Variants in GIGYF2 observed in about 807,000 individuals in gnomAD.
GIGYF2 encodes GRB10 interacting GYF protein 2, also known as GRB10-interacting GYF protein 2.
GIGYF2 carries 25 observed loss-of-function variants against 208.1 expected under a neutral mutation model. That is an observed-to-expected ratio of 0.12 (90% CI 0.09 to 0.17). GIGYF2 has a LOEUF of 0.17. Among genes scored for constraint, GIGYF2 ranks in the 10% least tolerant of loss-of-function variants. The pLI is 1.00. For synonymous variants in GIGYF2, 534 were observed against 543.8 expected (o/e 0.98, Z 0.25); for missense variants, 1,302 against 1,579.4 (o/e 0.82, Z 2.98).
intron 28 of GIGYF2, among the ~76,000 whole-genome samples, chr2:232,855,503 T>C (rs1473496540): frequency 2.0e-5 from 3 of 152,192 alleles, no homozygotes; most frequent in African/African-American, 7.2e-5. Flanking sequence ...TGCAGATATA[T>C]TTACAGTAGA....
chr2:232,794,913 A>G lies in GIGYF2; in HGVS notation c.1448A>G (p.Asp483Gly). Residue 483 changes from aspartate to glycine, a missense_variant, in exon 13 of 29, where the codon GAT (aspartate) becomes GGT (glycine). Coordinates refer to ENST00000373563, the MANE Select transcript of GIGYF2 (RefSeq NM_001103146.3). ...ATGGGCAGTGTTTCCACAGAACCTG[A>G]TGATGAAGAAGGTCTCAAACATTTG... is the stretch of plus-strand genomic sequence containing the variant. ...PGMGSVSTEP[D>G]DEEGLKHLEQ... 6.2e-7 allele frequency: 1 copy of G among 1,613,808 alleles called. No homozygotes were observed. Among genetic ancestry groups the G allele is most frequent in the South Asian group, 1.1e-5 (1 of 91,080 alleles).
chr2:232,790,679 G>T lies in GIGYF2; in HGVS notation c.713-19G>T. The T allele has an allele frequency of 6.3e-7, 1 of 1,590,466 alleles. No individual in the cohort carries two copies. The highest frequency in any genetic ancestry group is 8.6e-7 in the Non-Finnish European group (1 of 1,158,500). ...GTCATAAAACTTTTCTAAGGTTTGT[G>T]TCCTCCTTCTCATCTCAGATGGCCC... On this transcript the variant is annotated intron_variant, in intron 9 of 28. Transcript: ENST00000373563.
intron 28 of GIGYF2, among the ~76,000 whole-genome samples, chr2:232,851,706 C>G (rs993244290): frequency 2.1e-4 from 32 of 152,186 alleles, no homozygotes; most frequent in Non-Finnish European, 2.9e-5. Flanking sequence ...AGGTGTGAAC[C>G]GCCACGCCCG....
chr2:232,757,980 A>T (rs1208084688), intron 6 of GIGYF2, among the ~76,000 whole-genome samples: 1 of 152,214 alleles, frequency 6.6e-6, no homozygotes, highest in Non-Finnish European at 1.5e-5. Context: ...CTTTATTTAC[A>T]TATTAATGTT....
intron 21 of GIGYF2, among the ~76,000 whole-genome samples, chr2:232,826,117 G>T (rs887039174): frequency 1.3e-5 from 2 of 152,130 alleles, no homozygotes; most frequent in Non-Finnish European, 2.9e-5. Flanking sequence ...ATGGACATTT[G>T]GGTTGGTTCC....
intron 15 of GIGYF2, among the ~76,000 whole-genome samples, chr2:232,808,877 CAGTTT>C (rs1267731829): frequency 2.0e-5 from 3 of 151,946 alleles, no homozygotes; most frequent in Non-Finnish European, 4.4e-5. Context: ...GCAACAGAAA[CAGTTT>C]ATTTTGGGGG....
chr2:232,732,699 G>C (rs1446240179), intron 2 of GIGYF2, among the ~76,000 whole-genome samples: 1 of 150,402 alleles, frequency 6.6e-6, no homozygotes, highest in Non-Finnish European at 1.5e-5. Flanking sequence ...GGAGTGCAGT[G>C]GTGCAATCAC....
intron 28 of GIGYF2, among the ~76,000 whole-genome samples, chr2:232,854,984 A>G (rs1690495508): frequency 6.6e-6 from 1 of 151,748 alleles, no homozygotes; most frequent in Admixed American, 6.6e-5. Flanking sequence ...ATTGTTCATC[A>G]TTTTTATCAA....
chr2:232,749,153 C>G, intron 5 of GIGYF2, 71 bp downstream of exon 5: 1 of 812,888 alleles, frequency 1.2e-6, no homozygotes, highest in Middle Eastern at 2.2e-4. Flanking sequence ...TAGGAAGTTA[C>G]TATTTATGCT....
At chr2:232,827,739 C>A (rs1406296396) in intron 21 of GIGYF2, among the ~76,000 whole-genome samples, 2 of 152,070 alleles carry the variant, frequency 1.3e-5, no homozygotes, top group African/African-American at 4.8e-5. Context: ...GAATTTGCAT[C>A]TTTTTCTAGT....
At chr2:232,736,665 T>G (rs1697747038) in intron 3 of GIGYF2, 1 of 152,218 alleles carries the variant, frequency 6.6e-6, no homozygotes, top group African/African-American at 2.4e-5. Context: ...TATAGTTACA[T>G]CTTTATTTCT....
chr2:232,791,458 T>C lies in GIGYF2; in HGVS notation c.1282+12T>C, dbSNP rs750621563. On this transcript the variant is annotated intron_variant, in intron 12 of 28. Transcript: ENST00000373563. ...CAGCAGAGGGGATGGTATGTATTTG[T>C]GGGAATAGACAAGCTAAAATAGGAT... 3 of 1,609,756 alleles carry C rather than the reference T, an allele frequency of 1.9e-6. No individual in the cohort carries two copies. The South Asian group carries it at 3.3e-5, about 18-fold the overall frequency.
chr2:232,737,552 TA>T (rs1697784801), intron 3 of GIGYF2, among the ~76,000 whole-genome samples: 2 of 152,144 alleles, frequency 1.3e-5, no homozygotes, highest in Non-Finnish European at 2.9e-5. Flanking sequence ...GGCCCTTAAG[TA>T]ACCCAAGTAA....
rs555307078 is a variant in GIGYF2 at position 232,738,360 on chromosome 2, A to G, written c.41+3122A>G. Among the ~76,000 whole-genome samples the G allele has an allele frequency of 7.2e-5, 11 of 152,332 alleles. No homozygotes were observed. The South Asian group carries it at 2.1e-3, about 29-fold the overall frequency. On this transcript the variant is annotated intron_variant, in intron 3 of 28. Transcript: ENST00000373563. The stretch of plus-strand genomic sequence containing the variant: ...TGCCAAGTATATCCTGTCTACATAT[A>G]AAGCAATAGTGTCTTTCTTTAAGCC...
At chr2:232,844,327 A>G in intron 24 of GIGYF2, 42 bp from the exon 25 acceptor site, 1 of 1,612,096 alleles carries the variant, frequency 6.2e-7, no homozygotes, top group South Asian at 1.1e-5. Flanking sequence ...TTATCTTTTT[A>G]ACATGATTCA....
At chr2:232,776,323 T>G (rs1294101251) in intron 8 of GIGYF2, 1 of 704,816 alleles carries the variant, frequency 1.4e-6, no homozygotes, top group African/African-American at 1.8e-5. Context: ...TCCTACACTA[T>G]AGATAATGTC....
At chr2:232,702,645 A>G (rs1431773136) in intron 1 of GIGYF2, among the ~76,000 whole-genome samples, 1 of 152,196 alleles carries the variant, frequency 6.6e-6, no homozygotes, top group Non-Finnish European at 1.5e-5. Context: ...GATTTTTAAG[A>G]TATTGCCCCA....
chr2:232,730,306 G>C, intron 2 of GIGYF2: 1 of 584,432 alleles, frequency 1.7e-6, no homozygotes. Flanking sequence ...GAGTTCTTCA[G>C]AAATCTTTAC....
chr2:232,760,693 A>C, intron 7 of GIGYF2, 102 bp downstream of exon 7: 1 of 733,236 alleles, frequency 1.4e-6, no homozygotes, highest in South Asian at 1.5e-5. Flanking sequence ...AAAGGGTTTC[A>C]TTTTAAAAAA....
Sources: allele counts gnomAD v4.1 joint callset (sites outside exome capture counted in the v4.1 genomes callset), GRCh38; gene constraint gnomAD v4.1.1; transcripts MANE v1.5; gene names NCBI Gene and HGNC (gene_info 2026-07-23, HGNC 2026-07-21).